The following UBR3 variants were observed in gnomAD, a reference collection of about 807,000 sequenced individuals.
The protein encoded by UBR3 is ubiquitin protein ligase E3 component n-recognin 3.
UBR3 carries 85 observed loss-of-function variants against 243.2 expected under a neutral mutation model. The observed-to-expected ratio is 0.35, with a 90% confidence interval of 0.29 to 0.42. The LOEUF (loss-of-function observed/expected upper bound fraction) is 0.42, where lower values mean the gene tolerates loss of function less well. Ranked by LOEUF, UBR3 falls within the 10% of genes least tolerant of loss-of-function variation. The probability of loss-of-function intolerance (pLI) is 1.00; values close to 1 mark genes in which losing one functional copy is unlikely to be tolerated. For missense variants in UBR3, 1,686 were observed against 2,300.8 expected (o/e 0.73, Z 5.47); for synonymous variants, 748 against 799.8 (o/e 0.94, Z 1.09).
intron 25 of UBR3, among the ~76,000 whole-genome samples, chr2:169,991,611 C>G (rs1312166951): frequency 6.6e-6 from 1 of 152,096 alleles, no homozygotes; most frequent in African/African-American, 2.4e-5. Flanking sequence ...GAGATGGAGT[C>G]TCACTCTGTC....
intron 31 of UBR3, among the ~76,000 whole-genome samples, chr2:170,029,929 C>G (rs1308769025): frequency 6.6e-6 from 1 of 152,012 alleles, no homozygotes; most frequent in Admixed American, 6.6e-5. Context: ...AGAACTTTAC[C>G]ATATCAACTA....
rs2083462857 is a variant in UBR3 at position 169,872,331 on chromosome 2, T to C, written c.641T>C (p.Ile214Thr). 2.6e-6 allele frequency: 4 copies of C among 1,517,136 alleles called. No individual in the cohort carries two copies. In the East Asian group the frequency reaches 9.9e-5, roughly 38 times the overall value. 94.0% of individuals were successfully genotyped at this position (1,517,136 alleles called of 1,614,324 possible). Residue 214 changes from isoleucine to threonine, a missense_variant, in exon 2 of 39, where the codon ATA becomes ACA. Coordinates refer to ENST00000272793, the MANE Select transcript of UBR3 (RefSeq NM_172070.4). Reference protein sequence around the residue: ...MMSEFVLPRFIFCLIQYLREG... With the variant: ...MMSEFVLPRFTFCLIQYLREG... ...TCTGAATTTGTTCTTCCAAGATTTA[T>C]ATTTTGTCTTATTCAGTACTTAAGA...
At chr2:169,992,906 G>A (rs2089332324) in intron 25 of UBR3, among the ~76,000 whole-genome samples, 2 of 152,066 alleles carry the variant, frequency 1.3e-5, no homozygotes, top group African/African-American at 4.8e-5. Context: ...GATTACAGGT[G>A]TGCACCACCA....
chr2:169,913,994 ATAATT>A, intron 10 of UBR3, 61 bp from the exon 11 acceptor site: 1 of 716,060 alleles, frequency 1.4e-6, no homozygotes, highest in South Asian at 4.5e-5. Context: ...ATAATTACAT[ATAATT>A]TAATGTTGAA....
chr2:169,973,613 G>C (rs562711728), intron 24 of UBR3, among the ~76,000 whole-genome samples: 1 of 152,220 alleles, frequency 6.6e-6, no homozygotes, highest in African/African-American at 2.4e-5. Context: ...AAAGCTTTTA[G>C]GATTTTCTAT....
chr2:169,895,560 T>A (rs915512644), intron 7 of UBR3, among the ~76,000 whole-genome samples: 2 of 152,230 alleles, frequency 1.3e-5, no homozygotes, highest in African/African-American at 2.4e-5. Flanking sequence ...GAGGGAATGC[T>A]GGGGAACAAA....
chr2:169,876,584 G>A (rs2083626131), intron 3 of UBR3, among the ~76,000 whole-genome samples: 1 of 98,562 alleles, frequency 1.0e-5, no homozygotes, highest in African/African-American at 3.4e-5. Context: ...TTGAGACAGA[G>A]TCTTGCTCTG....
intron 13 of UBR3, among the ~76,000 whole-genome samples, chr2:169,924,828 A>C (rs1445221467): frequency 6.6e-6 from 1 of 152,164 alleles, no homozygotes; most frequent in Non-Finnish European, 1.5e-5. Context: ...AGGTCAAGAA[A>C]TCGAGACCAT....
intron 31 of UBR3, among the ~76,000 whole-genome samples, chr2:170,037,603 G>A (rs558924690): frequency 9.2e-5 from 14 of 152,184 alleles, no homozygotes; most frequent in Admixed American, 2.0e-4. Flanking sequence ...GGTCAGGCTG[G>A]TCTCAAACTC....
chr2:169,950,410 A>T (rs1297008864), intron 23 of UBR3, among the ~76,000 whole-genome samples: 2 of 152,096 alleles, frequency 1.3e-5, no homozygotes, highest in African/African-American at 2.4e-5. Context: ...AAAAATATTT[A>T]AAATATTTCT....
rs576381245 is a variant in UBR3 at position 169,987,501 on chromosome 2, C to A, written c.3784+707C>A. On this transcript the variant is annotated intron_variant, in intron 25 of 38. Coordinates refer to ENST00000272793, the MANE Select transcript of UBR3 (RefSeq NM_172070.4). ...TTTAATTACACAAGGCATATTTAGACAGCTCTGCCTTTATTTGTTCAAACA... is the reference window on the plus strand; with the variant it reads ...TTTAATTACACAAGGCATATTTAGAAAGCTCTGCCTTTATTTGTTCAAACA... Among the ~76,000 whole-genome samples the A allele has an allele frequency of 7.3e-5, 11 of 151,134 alleles. No homozygotes were observed. The South Asian group carries it at 2.3e-3, about 32-fold the overall frequency.
At chr2:169,890,834 C>A (rs538441785) in intron 5 of UBR3, among the ~76,000 whole-genome samples, 40 of 149,712 alleles carry the variant, frequency 2.7e-4, no homozygotes, top group African/African-American at 9.5e-4. Context: ...AATAATCTCT[C>A]TCATTCCACC....
At chr2:170,012,662 T>G (rs1057225912) in intron 29 of UBR3, among the ~76,000 whole-genome samples, 2 of 132,934 alleles carry the variant, frequency 1.5e-5, no homozygotes, top group African/African-American at 5.7e-5. Flanking sequence ...GTGGTATGGA[T>G]GAAGATACTG....
intron 23 of UBR3, among the ~76,000 whole-genome samples, chr2:169,955,576 C>T (rs1191830640): frequency 6.6e-6 from 1 of 151,750 alleles, no homozygotes; most frequent in Non-Finnish European, 1.5e-5. Context: ...GGCAGATCAC[C>T]TGAGGTCAGG....
chr2:170,022,791 G>A (rs1181250064), intron 30 of UBR3, among the ~76,000 whole-genome samples: 1 of 152,038 alleles, frequency 6.6e-6, no homozygotes, highest in Non-Finnish European at 1.5e-5. Context: ...TGCCTTGCCT[G>A]GAGTGCTTAG....
chr2:169,837,705 A>C (rs1184077227), intron 1 of UBR3, among the ~76,000 whole-genome samples: 3 of 152,188 alleles, frequency 2.0e-5, no homozygotes, highest in African/African-American at 7.2e-5. Context: ...AGAACAACAT[A>C]GGGCAAACCA....
At chr2:170,012,465 TATAAC>T (rs977171557) in intron 29 of UBR3, among the ~76,000 whole-genome samples, 2 of 152,184 alleles carry the variant, frequency 1.3e-5, no homozygotes, top group Admixed American at 1.3e-4. Flanking sequence ...ATGGAACTAA[TATAAC>T]ATCAATCTAT....
At chr2:169,843,389 T>G (rs2082363366) in intron 1 of UBR3, among the ~76,000 whole-genome samples, 2 of 151,818 alleles carry the variant, frequency 1.3e-5, no homozygotes, top group Admixed American at 1.3e-4. Context: ...GGTGGAAGAG[T>G]GGATAAGCAA....
At chr2:169,872,101 T>G in intron 1 of UBR3, 135 bp from the exon 2 acceptor site, 1 of 664,832 alleles carries the variant, frequency 1.5e-6, no homozygotes, top group Non-Finnish European at 2.2e-6. Context: ...AATTACATTC[T>G]TTTAACCTGG....
Sources: allele counts gnomAD v4.1 joint callset (sites outside exome capture counted in the v4.1 genomes callset), GRCh38; gene constraint gnomAD v4.1.1; transcripts MANE v1.5; gene names NCBI Gene and HGNC (gene_info 2026-07-23, HGNC 2026-07-21).